Variants in CDKL1 observed in about 807,000 individuals in gnomAD.
The protein encoded by CDKL1 is cyclin-dependent kinase-like 1.
In CDKL1, 41 loss-of-function variants were observed where a neutral mutation model predicts 42.0. That is an observed-to-expected ratio of 0.98 (90% confidence interval 0.76 to 1.27). The LOEUF is 1.27. CDKL1 is among the 50% of genes most tolerant of loss of function. The pLI, the probability that CDKL1 is intolerant of heterozygous loss-of-function variation, is 0.00. For synonymous variants in CDKL1, 153 were observed against 158.6 expected (o/e 0.96, Z 0.26); for missense variants, 394 against 428.4 (o/e 0.92, Z 0.71).
At chr14:50,342,898 GC>G in intron 4 of CDKL1, 1 of 1,318,134 alleles carries the variant, frequency 7.6e-7, no homozygotes, top group South Asian at 1.2e-5. Flanking sequence ...GTAGGCAGCA[GC>G]CCTCACCCTC....
rs140352343 is a variant in CDKL1, at chr14:50,368,741, G to A, written c.169-9592C>T. ...ACGTGGGCAGCTGCCTCTCTGTGTCGTCAGCCCTCTGTCTTCATTGGGCAC... is the reference window on the plus strand; with the variant it reads ...ACGTGGGCAGCTGCCTCTCTGTGTCATCAGCCCTCTGTCTTCATTGGGCAC... On this transcript the variant is annotated intron_variant, in intron 2 of 9. Transcript: ENST00000395834. 1.2e-3 allele frequency among the ~76,000 whole-genome samples: 185 copies of A among 152,120 alleles called. No homozygotes were observed. In the East Asian group the frequency reaches 0.03, roughly 25 times the overall value.
chr14:50,345,175 A>G, intron 3 of CDKL1, 117 bp from the exon 4 acceptor site: 1 of 805,098 alleles, frequency 1.2e-6, no homozygotes, highest in Non-Finnish European at 2.0e-6. Flanking sequence ...GGTGACACAT[A>G]GTCATCTTAC....
chr14:50,330,159 G>A lies in CDKL1; in HGVS notation c.989C>T (p.Thr330Ile), dbSNP rs1164194882. The A allele has an allele frequency of 4.4e-6, 7 of 1,606,922 alleles. No homozygotes were observed. The highest frequency in any genetic ancestry group is 5.9e-6 in the Non-Finnish European group (7 of 1,178,618). ...TSKLQYLPQL[T>I]GSSILPALDN... ...CAAAGCTGGAAGGATGCTGCTGCCAGTTAGCTGGGGTAGGTACTGCAACTA... is the reference window on the plus strand; with the variant it reads ...CAAAGCTGGAAGGATGCTGCTGCCAATTAGCTGGGGTAGGTACTGCAACTA... The change falls in exon 10 of 10, where the codon ACT (threonine) becomes ATT (isoleucine). Residue 330 changes from threonine (T) to isoleucine (I), a missense_variant. Physicochemically the swap from Thr to Ile is moderately conservative, Grantham distance 89. Coordinates refer to ENST00000395834, the MANE Select transcript of CDKL1 (RefSeq NM_004196.7).
chr14:50,341,302 C>G lies in CDKL1; in HGVS notation c.455-70G>C, dbSNP rs994597835. 4.0e-6 allele frequency: 6 copies of G among 1,512,506 alleles called. No individual in the cohort carries two copies. In the African/African-American group the frequency reaches 6.9e-5, roughly 17 times the overall value. 93.7% of individuals were successfully genotyped at this position (1,512,506 alleles called of 1,614,324 possible). On this transcript the variant is annotated intron_variant, in intron 5 of 9. Transcript: ENST00000395834. ...GGAATCAAAACTGAGGGGGAGATCT[C>G]AGAAGTCAAGCCTGTGCCCAATTTT...
At chr14:50,349,404 A>C (rs1020936011) in intron 3 of CDKL1, among the ~76,000 whole-genome samples, 4 of 152,210 alleles carry the variant, frequency 2.6e-5, no homozygotes, top group African/African-American at 4.8e-5. Flanking sequence ...TCATGGATGC[A>C]GTCCACCAGA....
At chr14:50,382,405 C>T (rs547600115) in intron 2 of CDKL1, among the ~76,000 whole-genome samples, 20 of 152,130 alleles carry the variant, frequency 1.3e-4, no homozygotes, top group South Asian at 8.3e-4. Context: ...GAGCTGAGAT[C>T]GTGCCACTGC....
chr14:50,349,183 A>T (rs1048436487), intron 3 of CDKL1, among the ~76,000 whole-genome samples: 4 of 152,190 alleles, frequency 2.6e-5, no homozygotes, highest in Admixed American at 6.5e-5. Context: ...ATAGAATGGC[A>T]TCAGGCTTCT....
At chr14:50,373,216 T>C (rs537753442) in intron 2 of CDKL1, among the ~76,000 whole-genome samples, 3 of 152,290 alleles carry the variant, frequency 2.0e-5, no homozygotes, top group African/African-American at 7.2e-5. Context: ...GAAATATTTG[T>C]TAAAGTTGCA....
rs11570829 is a variant in CDKL1, at chr14:50,342,977, G to A, written c.364-755C>T. ...GCTCTGAGAGCTGCAGCCACCCCTC[G>A]AGATGCGGCCCCCCCTCCAGAATTT... On this transcript the variant is annotated intron_variant, in intron 4 of 9. Transcript: ENST00000395834. The A allele has an allele frequency of 1.6e-3, 2,148 of 1,356,348 alleles. 30 individuals carry two copies. The African/African-American group carries it at 0.025, about 16-fold the overall frequency. 84.0% of individuals were successfully genotyped at this position (1,356,348 alleles called of 1,614,324 possible). A position where few individuals can be genotyped will look rare whatever the true frequency, so the allele number is the denominator to read the frequency against.
intron 2 of CDKL1, among the ~76,000 whole-genome samples, chr14:50,381,576 G>T (rs1162928952): frequency 6.6e-6 from 1 of 152,164 alleles, no homozygotes; most frequent in Non-Finnish European, 1.5e-5. Context: ...CTGTTTTACT[G>T]ACTAACACAG....
At chr14:50,395,624 A>C in intron 2 of CDKL1, 77 bp downstream of exon 2, 1 of 982,734 alleles carries the variant, frequency 1.0e-6, no homozygotes, top group Non-Finnish European at 1.6e-6. Flanking sequence ...CTATGATCAC[A>C]TGGCTGCACT....
chr14:50,397,119 G>T (rs745578025), upstream of CDKL1: 2 of 1,363,894 alleles, frequency 1.5e-6, no homozygotes, highest in Admixed American at 1.9e-5. Context: ...TCCGCAGGCC[G>T]TGCAAAGCGC....
intron 6 of CDKL1, 50 bp downstream of exon 6, chr14:50,340,982 C>A: frequency 6.3e-7 from 1 of 1,594,050 alleles, no homozygotes; most frequent in Non-Finnish European, 8.5e-7. Flanking sequence ...CCTGCCCCAA[C>A]CTGGGGAAAT....
chr14:50,349,427 A>G (rs1008970517), intron 3 of CDKL1, among the ~76,000 whole-genome samples: 6 of 152,170 alleles, frequency 3.9e-5, no homozygotes, highest in African/African-American at 7.2e-5. Flanking sequence ...GGAGCAGTCC[A>G]TTATCAAAGA....
chr14:50,385,675 G>A lies in CDKL1; in HGVS notation c.168+10026C>T, dbSNP rs530903726. On this transcript the variant is annotated intron_variant, in intron 2 of 9. Transcript: ENST00000395834. The stretch of plus-strand genomic sequence containing the variant: ...AAACATTAGCCAGGCGCGGTGGCAG[G>A]TGCCTGTAATCCCAGCTACTCGGGA... Among the ~76,000 whole-genome samples the A allele has an allele frequency of 2.6e-5, 4 of 151,972 alleles. No homozygotes were observed. In the East Asian group the frequency reaches 5.8e-4, roughly 22 times the overall value.
intron 9 of CDKL1, chr14:50,330,877 G>A (rs1471228804): frequency 6.6e-6 from 1 of 152,208 alleles, no homozygotes; most frequent in Non-Finnish European, 1.5e-5. Flanking sequence ...AAATTTTTCA[G>A]CCATTGTCCT....
At chr14:50,350,965 T>C (rs1179836501) in intron 3 of CDKL1, among the ~76,000 whole-genome samples, 1 of 152,122 alleles carries the variant, frequency 6.6e-6, no homozygotes, top group African/African-American at 2.4e-5. Context: ...ATGGGCACAC[T>C]GCTGAGCTCT....
chr14:50,378,065 G>A (rs1441740403), intron 2 of CDKL1: 10 of 972,802 alleles, frequency 1.0e-5, no homozygotes, highest in Admixed American at 3.0e-5. Flanking sequence ...ATCTAGGATA[G>A]GGACATCTAC....
chr14:50,358,358 A>T (rs116474109), intron 3 of CDKL1, among the ~76,000 whole-genome samples: 121 of 152,324 alleles, frequency 7.9e-4, no homozygotes, highest in African/African-American at 2.8e-3. Context: ...ACTTCCTAGT[A>T]GCCATTGCCT....
Sources: allele counts gnomAD v4.1 joint callset (sites outside exome capture counted in the v4.1 genomes callset), GRCh38; gene constraint gnomAD v4.1.1; transcripts MANE v1.5; gene names NCBI Gene and HGNC (gene_info 2026-07-23, HGNC 2026-07-21).